Variants in OR2L13 observed in about 807,000 individuals in gnomAD.
The protein encoded by OR2L13 is olfactory receptor 2L13.
OR2L13 carries 14 observed loss-of-function variants against 15.3 expected under a neutral mutation model. The observed-to-expected ratio is 0.91, with a 90% confidence interval of 0.60 to 1.43. OR2L13 has a LOEUF of 1.43. OR2L13 is among the 40% of genes most tolerant of loss of function. The pLI is 0.00. For synonymous variants in OR2L13, 152 were observed against 142.9 expected (o/e 1.06, Z -0.45); for missense variants, 367 against 387.9 (o/e 0.95, Z 0.45).
the OR2L13 span, chr1:247,965,974 C>T: frequency 2.5e-6 from 4 of 1,609,992 alleles, no homozygotes; most frequent in Non-Finnish European, 3.4e-6. Flanking sequence ...GTATACAGTC[C>T]TCCTGAGTGG....
the OR2L13 span, among the ~76,000 whole-genome samples, chr1:247,942,063 T>A: frequency 1.1e-4 from 17 of 152,112 alleles, no homozygotes; most frequent in African/African-American, 4.1e-4. Flanking sequence ...AACTACATGA[T>A]CTCACTTACA....
At chr1:247,951,097 A>G in the OR2L13 span, among the ~76,000 whole-genome samples, 1 of 152,100 alleles carries the variant, frequency 6.6e-6, no homozygotes, top group Non-Finnish European at 1.5e-5. Context: ...AGTTAGCTAG[A>G]GATACGTGGA....
At chr1:248,039,355 ATAATACATAT>A in the OR2L13 span, 1 of 558,316 alleles carries the variant, frequency 1.8e-6, no homozygotes. Context: ...TGACAATATT[ATAATACATAT>A]TAATACATAT....
At chr1:248,049,072 A>G in the OR2L13 span, among the ~76,000 whole-genome samples, 2 of 152,104 alleles carry the variant, frequency 1.3e-5, no homozygotes, top group Non-Finnish European at 2.9e-5. Flanking sequence ...ATAGGGAGTA[A>G]AATCTGTGCC....
At chr1:248,061,640 T>C in the OR2L13 span, 2 of 1,594,584 alleles carry the variant, frequency 1.3e-6, no homozygotes, top group South Asian at 2.2e-5. Context: ...CTACCTAAGG[T>C]CTCAGGACTC....
the OR2L13 span, among the ~76,000 whole-genome samples, chr1:247,948,539 GAACA>G: frequency 2.0e-5 from 3 of 152,056 alleles, no homozygotes; most frequent in Non-Finnish European, 4.4e-5. Flanking sequence ...GTAAAAATCA[GAACA>G]AAGAAGTCTG....
chr1:248,042,445 T>C, the OR2L13 span: 2 of 151,982 alleles, frequency 1.3e-5, no homozygotes, highest in African/African-American at 2.4e-5. Context: ...GCATGGCTCA[T>C]GTATACATAT....
the OR2L13 span, among the ~76,000 whole-genome samples, chr1:248,071,092 T>G: frequency 6.6e-6 from 1 of 151,900 alleles, no homozygotes; most frequent in Non-Finnish European, 1.5e-5. Context: ...TTCCAATCAA[T>G]AGAAAAAGAG....
the OR2L13 span, among the ~76,000 whole-genome samples, chr1:248,089,292 A>G: frequency 2.6e-5 from 4 of 152,180 alleles, no homozygotes; most frequent in Non-Finnish European, 5.9e-5. Context: ...CTCCTGTGCC[A>G]CCCTCTGGGC....
At chr1:248,013,442 T>C in the OR2L13 span, among the ~76,000 whole-genome samples, 25 of 152,124 alleles carry the variant, frequency 1.6e-4, no homozygotes, top group African/African-American at 6.0e-4. Context: ...CCATCCTCTG[T>C]TATTAGTGAC....
At chr1:248,038,133 A>C in the OR2L13 span, 2 of 627,750 alleles carry the variant, frequency 3.2e-6, no homozygotes, top group Admixed American at 3.0e-5. Context: ...AAAATAGTTT[A>C]TATAGGGTTC....
the OR2L13 span, among the ~76,000 whole-genome samples, chr1:248,025,909 T>A: frequency 2.1e-5 from 3 of 140,576 alleles, no homozygotes; most frequent in African/African-American, 8.7e-5. Flanking sequence ...TGAGAACACA[T>A]GGACATAGGA....
At chr1:248,022,021 T>A in the OR2L13 span, 1 of 1,613,992 alleles carries the variant, frequency 6.2e-7, no homozygotes, top group South Asian at 1.1e-5. Context: ...ATTGGCCTTT[T>A]CCTCTTCATT....
the OR2L13 span, among the ~76,000 whole-genome samples, chr1:247,968,987 C>T: frequency 1.3e-5 from 2 of 152,170 alleles, no homozygotes; most frequent in Non-Finnish European, 2.9e-5. Flanking sequence ...CCTATTTCTC[C>T]ACATCCTCTC....
At chr1:247,967,538 T>C in the OR2L13 span, among the ~76,000 whole-genome samples, 5 of 152,206 alleles carry the variant, frequency 3.3e-5, no homozygotes, top group African/African-American at 1.2e-4. Flanking sequence ...CTCAGTCATT[T>C]ATTAATACAA....
the OR2L13 span, among the ~76,000 whole-genome samples, chr1:248,056,876 C>T: frequency 3.9e-5 from 6 of 151,970 alleles, 1 homozygote; most frequent in East Asian, 9.7e-4. Context: ...TCAGAAACTC[C>T]TGAGCTCAGG....
the OR2L13 span, among the ~76,000 whole-genome samples, chr1:248,089,751 G>A: frequency 6.6e-6 from 1 of 152,176 alleles, no homozygotes; most frequent in East Asian, 1.9e-4. Context: ...CTCAGATAAG[G>A]AGGAACTGAG....
chr1:247,976,928 C>T, the OR2L13 span, among the ~76,000 whole-genome samples: 2 of 152,210 alleles, frequency 1.3e-5, no homozygotes, highest in African/African-American at 4.8e-5. Context: ...TCTTTCACTG[C>T]GTGAATCCTC....
At chr1:247,976,471 T>TGAAAATTTGCTAAGA in the OR2L13 span, among the ~76,000 whole-genome samples, 3,982 of 152,264 alleles carry the variant, frequency 0.026, 80 homozygotes, top group South Asian at 0.069. Context: ...TATTATATAT[T>TGAAAATTTGCTAAGA]GAAAATTTGC....
Sources: allele counts gnomAD v4.1 joint callset (sites outside exome capture counted in the v4.1 genomes callset), GRCh38; gene constraint gnomAD v4.1.1; transcripts MANE v1.5; gene names NCBI Gene and HGNC (gene_info 2026-07-23, HGNC 2026-07-21).